Variants in KHDRBS3 observed in about 807,000 individuals in gnomAD.
KHDRBS3 encodes the protein KH RNA binding domain containing, signal transduction associated 3.
Under a neutral mutation model 45.6 loss-of-function variants are expected in KHDRBS3, and 23 were observed. That is an observed-to-expected ratio of 0.50 (90% CI 0.36 to 0.72). KHDRBS3 has a LOEUF of 0.72. Ranked by LOEUF, KHDRBS3 falls within the 30% of genes least tolerant of loss-of-function variation. The pLI is 0.00. For missense variants in KHDRBS3, 352 were observed against 424.8 expected (o/e 0.83, Z 1.51); for synonymous variants, 162 against 156.5 (o/e 1.04, Z -0.26).
At chr8:135,517,974 A>G (rs1023675434) in intron 1 of KHDRBS3, among the ~76,000 whole-genome samples, 1 of 152,192 alleles carries the variant, frequency 6.6e-6, no homozygotes, top group Middle Eastern at 3.2e-3. Flanking sequence ...TTTTAAAATA[A>G]CAGATGATCT....
intron 1 of KHDRBS3, among the ~76,000 whole-genome samples, chr8:135,506,797 C>G (rs1375427909): frequency 1.3e-5 from 2 of 152,096 alleles, no homozygotes; most frequent in Non-Finnish European, 2.9e-5. Context: ...CCTCTTTTCT[C>G]TATAATTTCT....
At chr8:135,591,909 G>A (rs7815148) in intron 6 of KHDRBS3, among the ~76,000 whole-genome samples, 2,604 of 152,272 alleles carry the variant, frequency 0.017, 86 homozygotes, top group African/African-American at 0.06. Flanking sequence ...TCTCAAAACT[G>A]CTTCAATTAT....
intron 4 of KHDRBS3, among the ~76,000 whole-genome samples, chr8:135,653,244 A>G (rs1202449931): frequency 6.6e-6 from 1 of 152,166 alleles, no homozygotes; most frequent in East Asian, 1.9e-4. Context: ...GAAGTTCCTT[A>G]AAGATAGAAG....
rs1432433139 is a variant in KHDRBS3, at chr8:135,571,354, T to C, written c.612-10524T>C. Among the ~76,000 whole-genome samples, 3 of 152,170 alleles carry C rather than the reference T, an allele frequency of 2.0e-5. No homozygotes were observed. The East Asian group carries it at 5.8e-4, about 29-fold the overall frequency. On this transcript the variant is annotated intron_variant, in intron 5 of 8. Transcript: ENST00000355849. ...CACTTTGGTTTTTCAGAACTTGTAA[T>C]AGTTTTACTCAAAACCTCTTTGAAA... is the stretch of plus-strand genomic sequence containing the variant.
chr8:135,497,538 C>T (rs937882617), intron 1 of KHDRBS3, among the ~76,000 whole-genome samples: 1 of 152,076 alleles, frequency 6.6e-6, no homozygotes, highest in Non-Finnish European at 1.5e-5. Context: ...TAATAGGAAG[C>T]GACATACCAG....
intron 7 of KHDRBS3, among the ~76,000 whole-genome samples, chr8:135,621,136 G>A (rs1830121591): frequency 7.1e-6 from 1 of 139,920 alleles, no homozygotes; most frequent in African/African-American, 2.8e-5. Flanking sequence ...TTAAAAAAAA[G>A]GGGGGGAGGA....
intron 1 of KHDRBS3, among the ~76,000 whole-genome samples, chr8:135,492,254 T>C (rs936758591): frequency 6.6e-6 from 1 of 152,078 alleles, no homozygotes; most frequent in Non-Finnish European, 1.5e-5. Flanking sequence ...ACGTGGATTG[T>C]AGTACTTAGC....
intron 1 of KHDRBS3, among the ~76,000 whole-genome samples, chr8:135,517,609 A>G (rs1824678421): frequency 6.6e-6 from 1 of 152,196 alleles, no homozygotes; most frequent in South Asian, 2.1e-4. Flanking sequence ...TGTTGATTGA[A>G]CAGCATCTGC....
chr8:135,587,023 T>C (rs1475633863), intron 6 of KHDRBS3, among the ~76,000 whole-genome samples: 1 of 152,242 alleles, frequency 6.6e-6, no homozygotes, highest in African/African-American at 2.4e-5. Context: ...AAAAATTTAG[T>C]CAACGGTATC....
At chr8:135,473,283 G>T (rs1380072701) in intron 1 of KHDRBS3, among the ~76,000 whole-genome samples, 1 of 152,094 alleles carries the variant, frequency 6.6e-6, no homozygotes, top group African/African-American at 2.4e-5. Context: ...AATTGACTTG[G>T]ACTTGGTTCA....
At chr8:135,648,410 A>G (rs1459339737), downstream of KHDRBS3, 1 of 152,214 alleles carries the variant, frequency 6.6e-6, no homozygotes, top group East Asian at 1.9e-4. Flanking sequence ...AAAACTGACA[A>G]ATATTTAATA....
At chr8:135,487,470 T>C (rs914261197) in intron 1 of KHDRBS3, among the ~76,000 whole-genome samples, 2 of 152,196 alleles carry the variant, frequency 1.3e-5, no homozygotes, top group African/African-American at 4.8e-5. Flanking sequence ...ATAAAGATGA[T>C]ATTCTGCTTT....
chr8:135,593,836 T>C (rs1407927575), intron 6 of KHDRBS3, among the ~76,000 whole-genome samples: 1 of 152,134 alleles, frequency 6.6e-6, no homozygotes, highest in Non-Finnish European at 1.5e-5. Flanking sequence ...ACACCTATAA[T>C]TGACTTATGT....
chr8:135,510,863 A>T (rs1824247575), intron 1 of KHDRBS3, among the ~76,000 whole-genome samples: 1 of 152,214 alleles, frequency 6.6e-6, no homozygotes, highest in South Asian at 2.1e-4. Context: ...CTTCCGTATG[A>T]ACCCAAAGCT....
chr8:135,571,790 C>G (rs756204031), intron 5 of KHDRBS3, among the ~76,000 whole-genome samples: 2 of 152,080 alleles, frequency 1.3e-5, no homozygotes, highest in African/African-American at 4.8e-5. Flanking sequence ...AGAGTCACCC[C>G]TAACTCTTAC....
At chr8:135,483,234 T>C (rs540806936) in intron 1 of KHDRBS3, among the ~76,000 whole-genome samples, 8 of 152,368 alleles carry the variant, frequency 5.3e-5, no homozygotes, top group African/African-American at 1.7e-4. Context: ...TATGGACTCT[T>C]TTCTTTTACA....
chr8:135,565,047 G>A (rs915239511), intron 5 of KHDRBS3, among the ~76,000 whole-genome samples: 6 of 152,184 alleles, frequency 3.9e-5, no homozygotes, highest in South Asian at 2.1e-4. Flanking sequence ...TAGGGGCTGC[G>A]AGTCTTGTTC....
chr8:135,516,269 G>A (rs1370270168), intron 1 of KHDRBS3, among the ~76,000 whole-genome samples: 1 of 152,204 alleles, frequency 6.6e-6, no homozygotes, highest in Non-Finnish European at 1.5e-5. Flanking sequence ...AAGTTGCTCT[G>A]GGTGAGTCAG....
intron 5 of KHDRBS3, among the ~76,000 whole-genome samples, chr8:135,573,008 C>G (rs10110246): frequency 0.021 from 3,273 of 152,288 alleles, 123 homozygotes; most frequent in African/African-American, 0.075. Context: ...AGTTACCCCT[C>G]AGGTGCTTAT....
Sources: allele counts gnomAD v4.1 joint callset (sites outside exome capture counted in the v4.1 genomes callset), GRCh38; gene constraint gnomAD v4.1.1; transcripts MANE v1.5; gene names NCBI Gene and HGNC (gene_info 2026-07-23, HGNC 2026-07-21).